TINCR: variants seen among roughly 807,000 people sequenced by gnomAD.
The protein encoded by TINCR is TINCR-encoded ubiquitin-like protein.
exon 1 of TINCR, chr19:5,567,915 G>T: frequency 2.6e-6 from 1 of 382,728 alleles, no homozygotes; most frequent in Non-Finnish European, 4.6e-6. Context: ...CCCCGCCGCA[G>T]CCCCTCCATG....
intron 1 of TINCR, among the ~76,000 whole-genome samples, chr19:5,566,988 A>G (rs572625668): frequency 1.1e-4 from 17 of 152,092 alleles, no homozygotes; most frequent in African/African-American, 4.1e-4. Flanking sequence ...AATCACAGGC[A>G]ACCAAATCAT....
chr19:5,565,626 C>T lies in TINCR; in HGVS notation c.260+2039G>A, dbSNP rs564363923. Among the ~76,000 whole-genome samples the T allele has an allele frequency of 2.6e-5, 4 of 152,080 alleles. No homozygotes were observed. Among genetic ancestry groups the T allele is most frequent in the Admixed American group, 6.6e-5 (1 of 15,258 alleles). On this transcript the variant is annotated intron_variant, in intron 1 of 1. Transcript: ENST00000646160. This position sits in a 1 kb window ranked among gnomAD's most constrained non-coding sequence, Gnocchi z 4.0. ...CCCTCTCCTAGCCCCAAGCTCTGAA[C>T]CTCCATCCCTCATCATCCTCTCAGC...
In TINCR at chr19:5,563,876, C is replaced by T. The variant is rs1418562566; in HGVS notation, c.261-927G>A. 1.3e-5 allele frequency among the ~76,000 whole-genome samples: 2 copies of T among 152,134 alleles called. No individual in the cohort carries two copies. The highest frequency in any genetic ancestry group is 2.9e-5 in the Non-Finnish European group (2 of 68,026). ...GTTGCAGTGAGCCGAGATTGCGCCA[C>T]TGCACTCCAGCCTGGGCGACAGAGC... On this transcript the variant is annotated intron_variant, in intron 1 of 1. Coordinates refer to ENST00000646160, the Ensembl canonical transcript of TINCR. This position sits in a 1 kb window ranked among gnomAD's most constrained non-coding sequence, Gnocchi z 4.7.
chr19:5,563,838 C>G lies in TINCR; in HGVS notation c.261-889G>C, dbSNP rs1306601165. 1.3e-5 allele frequency among the ~76,000 whole-genome samples: 2 copies of G among 152,140 alleles called. No homozygotes were observed. The highest frequency in any genetic ancestry group is 3.9e-4 in the East Asian group (2 of 5,188). Reference sequence around the variant, plus strand: ...ACTGAGGCAGGAGAATCGCTTGAACCCGGGAGGCAGAGGTTGCAGTGAGCC... The same window carrying G: ...ACTGAGGCAGGAGAATCGCTTGAACGCGGGAGGCAGAGGTTGCAGTGAGCC... On this transcript the variant is annotated intron_variant, in intron 1 of 1. Transcript: ENST00000646160. This position sits in a 1 kb window ranked among gnomAD's most constrained non-coding sequence, Gnocchi z 4.7.
Position 5,565,788 on chromosome 19 carries a change from A to G in TINCR, c.260+1877T>C, listed in dbSNP as rs919491607. On this transcript the variant is annotated intron_variant, in intron 1 of 1. Coordinates refer to ENST00000646160, the Ensembl canonical transcript of TINCR. This position sits in a 1 kb window ranked among gnomAD's most constrained non-coding sequence, Gnocchi z 4.0. The stretch of plus-strand genomic sequence containing the variant: ...TCAAAACATCAACCCAGGCTCGGTG[A>G]CTCAAGCCTCTAGAGGGCTGGTGAA... Among the ~76,000 whole-genome samples, 1 of 152,056 alleles carries G rather than the reference A, an allele frequency of 6.6e-6. No homozygotes were observed. Among genetic ancestry groups the G allele is most frequent in the Admixed American group, 6.5e-5 (1 of 15,270 alleles).
chr19:5,567,320 C>A (rs1282437612), intron 1 of TINCR, among the ~76,000 whole-genome samples: 2 of 150,040 alleles, frequency 1.3e-5, no homozygotes, highest in Non-Finnish European at 3.0e-5. Flanking sequence ...AGACAAGAGA[C>A]AGAAAGAAGA....
chr19:5,567,649 C>CCCCCCCCCCCCCCCCCCCCCGGGGGGGGG lies in TINCR; in HGVS notation c.260+15_260+16insCCCCCCCCCGGGGGGGGGGGGGGGGGGGG. 4 of 350,302 alleles carry CCCCCCCCCCCCCCCCCCCCCGGGGGGGGG rather than the reference C, an allele frequency of 1.1e-5. No individual in the cohort carries two copies. The highest frequency in any genetic ancestry group is 1.5e-5 in the Non-Finnish European group (3 of 196,742). 21.7% of individuals were successfully genotyped at this position (350,302 alleles called of 1,614,324 possible). ...CCGCCGCCCCCGCCCCACCCCACCC[C>CCCCCCCCCCCCCCCCCCCCCGGGGGGGGG]GAGCCCCGCGGCCACCTGGGGTCGC... On this transcript the variant is annotated intron_variant, in intron 1 of 1. Coordinates refer to ENST00000646160, the Ensembl canonical transcript of TINCR.
rs756735745 is a variant in TINCR, at chr19:5,567,200, G to A, written c.260+465C>T. Among the ~76,000 whole-genome samples, 16 of 151,818 alleles carry A rather than the reference G, an allele frequency of 1.1e-4. No homozygotes were observed. In the Middle Eastern group the frequency reaches 0.01, roughly 97 times the overall value. On this transcript the variant is annotated intron_variant, in intron 1 of 1. Coordinates refer to ENST00000646160, the Ensembl canonical transcript of TINCR. Reference sequence around the variant, plus strand: ...AGAGATAAGAGATGGAGATGAGACAGCCACAAAAGAGATGAGAGAGACAAA... The same window carrying A: ...AGAGATAAGAGATGGAGATGAGACAACCACAAAAGAGATGAGAGAGACAAA...
At chr19:5,564,850 T>C (rs916951582) in intron 1 of TINCR, among the ~76,000 whole-genome samples, 1 of 152,216 alleles carries the variant, frequency 6.6e-6, no homozygotes, top group Non-Finnish European at 1.5e-5. Context: ...AGTGCTGGGA[T>C]TGCAGGTGTG....
exon 1 of TINCR, chr19:5,567,953 T>C: frequency 2.7e-6 from 1 of 369,544 alleles, no homozygotes; most frequent in Admixed American, 4.6e-5. Flanking sequence ...GCTCCAGCTC[T>C]GGCCCCGGGC....
At chr19:5,566,649 G>A (rs1442010108) in intron 1 of TINCR, among the ~76,000 whole-genome samples, 1 of 151,554 alleles carries the variant, frequency 6.6e-6, no homozygotes, top group Non-Finnish European at 1.5e-5. Flanking sequence ...CAGAGAGACA[G>A]GGAGAGAGAG....
chr19:5,559,146 A>C (rs979884244), downstream of TINCR: 27 of 152,176 alleles, frequency 1.8e-4, 1 homozygote, highest in Admixed American at 1.5e-3. Flanking sequence ...AAATGTCAAA[A>C]CACCCTGAAA....
intron 1 of TINCR, among the ~76,000 whole-genome samples, chr19:5,567,184 A>C (rs1186974885): frequency 6.6e-6 from 1 of 152,092 alleles, no homozygotes; most frequent in East Asian, 1.9e-4. Flanking sequence ...CAGAGATAAG[A>C]GATGGAGATG....
Position 5,563,652 on chromosome 19 carries a change from C to G in TINCR, c.261-703G>C, listed in dbSNP as rs569275626. On this transcript the variant is annotated intron_variant, in intron 1 of 1. Transcript: ENST00000646160. The surrounding 1 kb of genome is among the most constrained non-coding windows in gnomAD (Gnocchi z 4.7). ...GCACCCGGCCAGGCACGGTGGCTCA[C>G]GCGTGTAATCCCAGCACTTTGGGAG... is the stretch of plus-strand genomic sequence containing the variant. Among the ~76,000 whole-genome samples, 8 of 152,210 alleles carry G rather than the reference C, an allele frequency of 5.3e-5. No individual in the cohort carries two copies. The highest frequency in any genetic ancestry group is 1.9e-4 in the African/African-American group (8 of 41,514).
Position 5,563,812 on chromosome 19 carries a change from G to C in TINCR, c.261-863C>G, listed in dbSNP as rs999804578. 6.6e-6 allele frequency among the ~76,000 whole-genome samples: 1 copy of C among 152,160 alleles called. No individual in the cohort carries two copies. The highest frequency in any genetic ancestry group is 6.5e-5 in the Admixed American group (1 of 15,280). ...CGCCTGTAATCCCAGCTACTCAGGA[G>C]ACTGAGGCAGGAGAATCGCTTGAAC... is the stretch of plus-strand genomic sequence containing the variant. On this transcript the variant is annotated intron_variant, in intron 1 of 1. Transcript: ENST00000646160. This position sits in a 1 kb window ranked among gnomAD's most constrained non-coding sequence, Gnocchi z 4.7.
chr19:5,564,309 G>A (rs1366212471), intron 1 of TINCR, among the ~76,000 whole-genome samples: 1 of 152,228 alleles, frequency 6.6e-6, no homozygotes, highest in Non-Finnish European at 1.5e-5. Flanking sequence ...CTCCCCGGCT[G>A]CTGCTGCACC....
intron 1 of TINCR, among the ~76,000 whole-genome samples, chr19:5,564,641 C>T (rs1212053791): frequency 2.0e-5 from 3 of 152,190 alleles, no homozygotes; most frequent in Non-Finnish European, 4.4e-5. Flanking sequence ...TGCAGAGGCA[C>T]GATCTCAGCT....
rs1347425225 is a variant in TINCR at position 5,563,553 on chromosome 19, C to T, written c.261-604G>A. Among the ~76,000 whole-genome samples the T allele has an allele frequency of 6.6e-6, 1 of 152,154 alleles. No homozygotes were observed. The highest frequency in any genetic ancestry group is 1.5e-5 in the Non-Finnish European group (1 of 68,034). On this transcript the variant is annotated intron_variant, in intron 1 of 1. Transcript: ENST00000646160. This position sits in a 1 kb window ranked among gnomAD's most constrained non-coding sequence, Gnocchi z 4.7. ...GCGTGGCTTTAAAGCTGGGTTTAGACCCTGGCTCTGCCCCTTCCCAGCTTA... is the reference window on the plus strand; with the variant it reads ...GCGTGGCTTTAAAGCTGGGTTTAGATCCTGGCTCTGCCCCTTCCCAGCTTA...
chr19:5,561,378 G>A (rs2052101438), downstream of TINCR: 1 of 153,732 alleles, frequency 6.5e-6, no homozygotes, highest in African/African-American at 2.4e-5. Flanking sequence ...AGGGTTTCAT[G>A]GTCCACCTGG....
Sources: allele counts gnomAD v4.1 joint callset (sites outside exome capture counted in the v4.1 genomes callset), GRCh38; gene constraint gnomAD v4.1.1; non-coding constraint Gnocchi (gnomAD v3.1); transcripts MANE v1.5; gene names NCBI Gene and HGNC (gene_info 2026-07-23, HGNC 2026-07-21).